Variants in CYFIP1 observed in about 807,000 individuals in gnomAD.
CYFIP1 encodes the protein cytoplasmic FMR1-interacting protein 1.
CYFIP1 carries 58 observed loss-of-function variants against 163.5 expected under a neutral mutation model. That is an observed-to-expected ratio of 0.35 (90% CI 0.29 to 0.44). The LOEUF (loss-of-function observed/expected upper bound fraction) is 0.44, where lower values mean the gene tolerates loss of function less well. Ranked by LOEUF, CYFIP1 falls within the 20% of genes least tolerant of loss-of-function variation. The probability of loss-of-function intolerance (pLI) is 1.00; values close to 1 mark genes in which losing one functional copy is unlikely to be tolerated. For synonymous variants in CYFIP1, 663 were observed against 660.7 expected, an observed-to-expected ratio of 1.00 and a Z score of -0.05; for missense variants, 1,338 against 1,653.8, an observed-to-expected ratio of 0.81 and a Z score of 3.31.
Position 22,892,969 on chromosome 15 carries a change from C to T in CYFIP1, c.2597G>A (p.Arg866Gln), listed in dbSNP as rs770398521. ...CYNGSTNRFV[R>Q]TVLPFSQEFQ... ...TTCCTGAGAAAATGGTAACACTGTC[C>T]GAACAAACCTAAACAAGAAAGATTT... Residue 866 changes from arginine to glutamine, a missense_variant, in exon 23 of 31, where the codon CGG becomes CAG. Arg to Gln is a conservative substitution (Grantham distance 43). Coordinates refer to ENST00000617928, the MANE Select transcript of CYFIP1 (RefSeq NM_014608.6). The T allele has an allele frequency of 3.7e-6, 6 of 1,610,894 alleles. No individual in the cohort carries two copies. The highest frequency in any genetic ancestry group is 4.5e-5 in the East Asian group (2 of 44,884).
intron 1 of CYFIP1, among the ~76,000 whole-genome samples, chr15:22,962,013 A>G (rs1221027374): frequency 5.3e-5 from 8 of 152,188 alleles, no homozygotes; most frequent in African/African-American, 1.7e-4. Flanking sequence ...GTTTCTAATC[A>G]TAGCCCCAGT....
intron 16 of CYFIP1, among the ~76,000 whole-genome samples, chr15:22,915,503 C>T (rs1430424817): frequency 1.3e-5 from 2 of 152,120 alleles, no homozygotes; most frequent in Non-Finnish European, 2.9e-5. Context: ...GTAATCCTAG[C>T]ACTTTGGGAG....
At chr15:22,872,275 A>G (rs1247122022) in intron 30 of CYFIP1, among the ~76,000 whole-genome samples, 2 of 148,380 alleles carry the variant, frequency 1.3e-5, no homozygotes, top group African/African-American at 5.0e-5. Context: ...AGCCTGAGCA[A>G]CAAGAGCGAA....
At chr15:22,954,792 T>C (rs991305550) in intron 1 of CYFIP1, among the ~76,000 whole-genome samples, 1 of 152,206 alleles carries the variant, frequency 6.6e-6, no homozygotes, top group African/African-American at 2.4e-5. Context: ...AGTTCGTTTA[T>C]TTTGTAAATT....
intron 1 of CYFIP1, among the ~76,000 whole-genome samples, chr15:22,963,446 T>C (rs774930242): frequency 1.3e-5 from 2 of 150,922 alleles, no homozygotes; most frequent in Admixed American, 6.6e-5. Context: ...GCCAAGACTG[T>C]GCCATTGCAC....
intron 1 of CYFIP1, among the ~76,000 whole-genome samples, chr15:22,979,592 A>G (rs772385017): frequency 3.9e-5 from 6 of 151,936 alleles, no homozygotes; most frequent in Admixed American, 3.9e-4. Flanking sequence ...CGTTCCATCA[A>G]CCCCGTTTCC....
intron 1 of CYFIP1, among the ~76,000 whole-genome samples, chr15:22,957,465 C>T (rs1013658838): frequency 9.9e-5 from 15 of 152,028 alleles, no homozygotes; most frequent in Admixed American, 2.6e-4. Context: ...TGAAACCCCA[C>T]CTCTACTAAA....
Position 22,928,012 on chromosome 15 carries a change from C to G in CYFIP1, c.1127G>C (p.Gly376Ala), listed in dbSNP as rs764142164. The G allele has an allele frequency of 6.4e-7, 1 of 1,570,670 alleles. No individual in the cohort carries two copies. Among genetic ancestry groups the G allele is most frequent in the Non-Finnish European group, 8.6e-7 (1 of 1,162,322 alleles). Residue 376 changes from glycine to alanine, a missense_variant, in exon 12 of 31, where the codon GGC (glycine) becomes GCC (alanine). By Grantham distance (60) the Gly-to-Ala change is moderately conservative (BLOSUM62 0). Around this residue, in one of 4 missense-constraint regions of CYFIP1, gnomAD observed 824 missense variants for 995.7 expected, o/e 0.83. Coordinates refer to ENST00000617928, the MANE Select transcript of CYFIP1 (RefSeq NM_014608.6). ...GTCCGTCTTCTGGGCCTCCTGGCGG[C>G]CCGAGCCCGTGACCACCTGCACAAG... ...YSNSEVVTGS[G>A]RQEAQKTDAE...
chr15:22,872,926 C>G lies in CYFIP1; in HGVS notation c.3496G>C (p.Val1166Leu), dbSNP rs182057951. The change falls in exon 30 of 31, where the codon GTA becomes CTA. Residue 1166 changes from valine (V) to leucine (L), a missense_variant. Val to Leu is a conservative substitution (Grantham distance 32). Around this residue, in one of 4 missense-constraint regions of CYFIP1, gnomAD observed 306 missense variants for 322.1 expected, o/e 0.95. Transcript: ENST00000617928. Reference protein sequence around the residue: ...GLHWAGCMIIVLLGQQRRFAV... With the variant: ...GLHWAGCMIILLLGQQRRFAV... ...AAACGCCGCTGCTGCCCAAGAAGTA[C>G]GATGATCATACAGCCAGCCCAGTGT... The G allele has an allele frequency of 6.2e-7, 1 of 1,614,102 alleles. No homozygotes were observed. Among genetic ancestry groups the G allele is most frequent in the Admixed American group, 1.7e-5 (1 of 60,016 alleles).
chr15:22,908,892 T>C (rs1385935696), intron 21 of CYFIP1, among the ~76,000 whole-genome samples: 1 of 152,218 alleles, frequency 6.6e-6, no homozygotes, highest in Non-Finnish European at 1.5e-5. Context: ...TTAAGTGGTG[T>C]GCTACCTTTT....
chr15:22,893,525 C>T (rs2060139288), intron 22 of CYFIP1, among the ~76,000 whole-genome samples: 1 of 152,296 alleles, frequency 6.6e-6, no homozygotes, highest in East Asian at 1.9e-4. Context: ...CGTTTAAACA[C>T]ATAAAACTTT....
Position 22,869,917 on chromosome 15 carries a change from A to ACCC in CYFIP1, c.*108_*110dup, listed in dbSNP as rs2059375638. On this transcript the variant is annotated 3_prime_UTR_variant, in exon 31 of 31. Transcript: ENST00000617928. Reference sequence around the variant, plus strand: ...AAATTAAGTTTTTAGATCGAAAAGCACCCCCTTTAACAGGTACAGAGATAC... The same window carrying ACCC: ...AAATTAAGTTTTTAGATCGAAAAGCACCCCCCCCTTTAACAGGTACAGAGATAC... 1.0e-6 allele frequency: 1 copy of ACCC among 952,982 alleles called. No homozygotes were observed. The highest frequency in any genetic ancestry group is 1.7e-5 in the African/African-American group (1 of 58,324). The allele number at this position is 952,982 out of a possible 1,614,324, so 59.0% of individuals were successfully genotyped here. A position where few individuals can be genotyped will look rare whatever the true frequency, so the allele number is the denominator to read the frequency against.
At chr15:22,894,382 C>T (rs189593835) in intron 22 of CYFIP1, among the ~76,000 whole-genome samples, 2,234 of 148,630 alleles carry the variant, frequency 0.015, 21 homozygotes, top group Non-Finnish European at 0.023. Context: ...CTCCGCCTTC[C>T]GGATTCAAAC....
chr15:22,946,826 T>C (rs2062078119), intron 3 of CYFIP1, 177 bp downstream of exon 3: 9 of 717,878 alleles, frequency 1.3e-5, no homozygotes. Flanking sequence ...AGAACCAGCA[T>C]GTATTGTTTT....
intron 9 of CYFIP1, among the ~76,000 whole-genome samples, chr15:22,934,598 A>G (rs1566994994): frequency 7.4e-6 from 1 of 135,588 alleles, no homozygotes; most frequent in African/African-American, 2.8e-5. Flanking sequence ...CCAGGGTTCA[A>G]GAGATTCTCC....
intron 1 of CYFIP1, among the ~76,000 whole-genome samples, chr15:22,968,909 T>C (rs939386694): frequency 6.6e-6 from 1 of 152,180 alleles, no homozygotes; most frequent in African/African-American, 2.4e-5. Flanking sequence ...GGGATTCAAA[T>C]GTAATGCAGA....
intron 18 of CYFIP1, among the ~76,000 whole-genome samples, chr15:22,911,707 C>G (rs2060793760): frequency 6.6e-6 from 1 of 152,214 alleles, no homozygotes; most frequent in African/African-American, 2.4e-5. Flanking sequence ...GCACCATTTT[C>G]AGGTGGTCTT....
chr15:22,925,884 A>G lies in CYFIP1; in HGVS notation c.1359+98T>C. ...AAGGGGTGCCCACACAGAAGCAATGAGTAAACAGGCAGTTTTGTTCATGTT... is the reference window on the plus strand; with the variant it reads ...AAGGGGTGCCCACACAGAAGCAATGGGTAAACAGGCAGTTTTGTTCATGTT... On this transcript the variant is annotated intron_variant, in intron 13 of 30. Coordinates refer to ENST00000617928, the MANE Select transcript of CYFIP1 (RefSeq NM_014608.6). 3 of 1,529,394 alleles carry G rather than the reference A, an allele frequency of 2.0e-6. No homozygotes were observed. In the South Asian group the frequency reaches 3.7e-5, roughly 19 times the overall value. The allele number at this position is 1,529,394 out of a possible 1,614,324, so 94.7% of individuals were successfully genotyped here. A position where few individuals can be genotyped will look rare whatever the true frequency, so the allele number is the denominator to read the frequency against.
At chr15:22,964,349 TCACTCACACA>T (rs1247727625) in intron 1 of CYFIP1, among the ~76,000 whole-genome samples, 26 of 39,582 alleles carry the variant, frequency 6.6e-4, no homozygotes, top group South Asian at 4.3e-3. Flanking sequence ...CGCAACCTCA[TCACTCACACA>T]CACACACACA....
Sources: gnomAD v4.1 joint callset for allele counts (sites outside exome capture counted in the v4.1 genomes callset) on GRCh38, gnomAD v4.1.1 for gene constraint, gnomAD v4.1.1 regional missense constraint, MANE v1.5 for transcripts, NCBI Gene and HGNC (gene_info 2026-07-23, HGNC 2026-07-21) for gene names.